The following CLSTN2 variants were observed in gnomAD, a reference collection of about 807,000 sequenced individuals.
CLSTN2 encodes calsyntenin-2.
CLSTN2 carries 48 observed loss-of-function variants against 101.2 expected under a neutral mutation model. The ratio of observed to expected loss-of-function variants is 0.47; its 90% CI spans 0.38 to 0.60. The LOEUF (loss-of-function observed/expected upper bound fraction) is 0.60, where lower values mean the gene tolerates loss of function less well. Ranked by LOEUF, CLSTN2 falls within the 20% of genes least tolerant of loss-of-function variation. The pLI is 0.00. For missense variants in CLSTN2, 1,160 were observed against 1,238.2 expected (o/e 0.94, Z 0.95); for synonymous variants, 481 against 463.6 (o/e 1.04, Z -0.48).
intron 5 of CLSTN2, among the ~76,000 whole-genome samples, chr3:140,435,356 A>G (rs1244565758): frequency 6.6e-6 from 1 of 152,192 alleles, no homozygotes; most frequent in Non-Finnish European, 1.5e-5. Context: ...ACTTAACATA[A>G]TGATCTCCAG....
At chr3:140,266,423 G>A (rs55700145) in intron 2 of CLSTN2, among the ~76,000 whole-genome samples, 4,718 of 152,230 alleles carry the variant, frequency 0.031, 156 homozygotes, top group African/African-American at 0.074. Flanking sequence ...AATTAAGATA[G>A]GATATTCCAA....
intron 2 of CLSTN2, among the ~76,000 whole-genome samples, chr3:140,243,138 T>C (rs2086485497): frequency 6.6e-6 from 1 of 152,136 alleles, no homozygotes; most frequent in Non-Finnish European, 1.5e-5. Flanking sequence ...CCTTCTCAAG[T>C]TTCACAGCTC....
intron 8 of CLSTN2, among the ~76,000 whole-genome samples, chr3:140,517,387 G>T (rs778138516): frequency 9.9e-5 from 15 of 152,144 alleles, no homozygotes; most frequent in Non-Finnish European, 1.5e-5. Flanking sequence ...GGGTGTTAAA[G>T]AACCTTGTTT....
At chr3:140,120,718 TTGTCTGTC>T (rs879291576) in intron 1 of CLSTN2, among the ~76,000 whole-genome samples, 7 of 152,152 alleles carry the variant, frequency 4.6e-5, no homozygotes, top group East Asian at 1.9e-4. Flanking sequence ...GATGAATATC[TTGTCTGTC>T]TGTCTGTCTG....
At chr3:140,313,553 G>A (rs370015299) in intron 2 of CLSTN2, among the ~76,000 whole-genome samples, 1 of 152,328 alleles carries the variant, frequency 6.6e-6, no homozygotes, top group East Asian at 1.9e-4. Flanking sequence ...GGAGGTGGCA[G>A]TTGCGGTCAC....
At chr3:140,170,279 T>C (rs2010192060) in intron 1 of CLSTN2, among the ~76,000 whole-genome samples, 1 of 152,224 alleles carries the variant, frequency 6.6e-6, no homozygotes, top group African/African-American at 2.4e-5. Context: ...ATCTTCGTAG[T>C]CGAATTAACA....
intron 2 of CLSTN2, among the ~76,000 whole-genome samples, chr3:140,266,476 T>C (rs1196645756): frequency 6.6e-6 from 1 of 152,220 alleles, no homozygotes; most frequent in Non-Finnish European, 1.5e-5. Flanking sequence ...CACAGCCACA[T>C]TATGTGAAGG....
At chr3:140,101,452 G>A (rs760209307) in intron 1 of CLSTN2, among the ~76,000 whole-genome samples, 6 of 152,164 alleles carry the variant, frequency 3.9e-5, no homozygotes, top group Non-Finnish European at 8.8e-5. Context: ...CACTGAAGTC[G>A]CTCCCAGGTT....
chr3:140,053,981 A>G (rs888880334), intron 1 of CLSTN2, among the ~76,000 whole-genome samples: 1 of 152,144 alleles, frequency 6.6e-6, no homozygotes, highest in African/African-American at 2.4e-5. Flanking sequence ...CGGGCCCAAT[A>G]CAAGAGGGTC....
intron 2 of CLSTN2, among the ~76,000 whole-genome samples, chr3:140,307,433 A>T (rs938871775): frequency 6.6e-6 from 1 of 152,140 alleles, no homozygotes; most frequent in African/African-American, 2.4e-5. Flanking sequence ...TGCTGCTGTC[A>T]ATTATCATGT....
intron 2 of CLSTN2, among the ~76,000 whole-genome samples, chr3:140,230,110 C>T (rs568806013): frequency 1.2e-4 from 18 of 152,052 alleles, no homozygotes; most frequent in African/African-American, 3.4e-4. Context: ...GCACAGCCAG[C>T]GGATGATTGG....
chr3:140,121,636 T>C (rs1023604134), intron 1 of CLSTN2, among the ~76,000 whole-genome samples: 1 of 151,966 alleles, frequency 6.6e-6, no homozygotes, highest in African/African-American at 2.4e-5. Flanking sequence ...GGTGCTGGAG[T>C]CTCCTCACCT....
chr3:140,238,342 C>G (rs2086433677), intron 2 of CLSTN2, among the ~76,000 whole-genome samples: 1 of 152,128 alleles, frequency 6.6e-6, no homozygotes, highest in African/African-American at 2.4e-5. Flanking sequence ...GGTTCACTCT[C>G]TACACTGAAT....
intron 1 of CLSTN2, among the ~76,000 whole-genome samples, chr3:140,116,700 A>AT (rs1178133650): frequency 1.3e-5 from 2 of 152,168 alleles, no homozygotes; most frequent in East Asian, 3.9e-4. Context: ...TTATCACCAT[A>AT]TCCCTATATT....
chr3:140,175,882 A>G, intron 1 of CLSTN2, 69 bp from the exon 2 acceptor site: 1 of 1,453,610 alleles, frequency 6.9e-7, no homozygotes, highest in Admixed American at 1.8e-5. Context: ...ATACAATCTT[A>G]ATAATACATT....
chr3:140,236,410 G>C (rs1277058286), intron 2 of CLSTN2, among the ~76,000 whole-genome samples: 1 of 152,078 alleles, frequency 6.6e-6, no homozygotes, highest in Admixed American at 6.6e-5. Context: ...ATTTAAAACT[G>C]TCACTCTCTA....
chr3:140,133,488 A>G (rs1033885982), intron 1 of CLSTN2, among the ~76,000 whole-genome samples: 1 of 152,208 alleles, frequency 6.6e-6, no homozygotes, highest in African/African-American at 2.4e-5. Flanking sequence ...AGGTGTCTCC[A>G]GAGAAACCTG....
chr3:140,296,175 C>T (rs1001558841), intron 2 of CLSTN2, among the ~76,000 whole-genome samples: 4 of 152,150 alleles, frequency 2.6e-5, no homozygotes, highest in African/African-American at 9.7e-5. Context: ...GGGGAACCAC[C>T]TTCCTCATTG....
intron 16 of CLSTN2, 99 bp from the exon 17 acceptor site, chr3:140,565,954 G>A: frequency 2.1e-6 from 3 of 1,426,934 alleles, no homozygotes; most frequent in South Asian, 2.5e-5. Context: ...AAATTCCAAG[G>A]GGCCGTAAAT....
Sources: allele counts gnomAD v4.1 joint callset (sites outside exome capture counted in the v4.1 genomes callset), GRCh38; gene constraint gnomAD v4.1.1; transcripts MANE v1.5; gene names NCBI Gene and HGNC (gene_info 2026-07-23, HGNC 2026-07-21).